Variants in LAMA4 observed in about 807,000 individuals in gnomAD.
LAMA4 encodes the protein laminin subunit alpha 4.
In LAMA4, 127 loss-of-function variants were observed where a neutral mutation model predicts 207.1. The ratio of observed to expected loss-of-function variants is 0.61; its 90% CI spans 0.53 to 0.71. The LOEUF (loss-of-function observed/expected upper bound fraction) is 0.71, where lower values mean the gene tolerates loss of function less well. Among genes scored for constraint, LAMA4 ranks in the 30% least tolerant of loss-of-function variants. The pLI, the probability that LAMA4 is intolerant of heterozygous loss-of-function variation, is 0.00. For synonymous variants in LAMA4, 761 were observed against 816.0 expected (o/e 0.93, Z 1.15); for missense variants, 2,093 against 2,246.5 (o/e 0.93, Z 1.38).
At chr6:112,198,840 G>T (rs1471637424) in intron 5 of LAMA4, among the ~76,000 whole-genome samples, 1 of 152,040 alleles carries the variant, frequency 6.6e-6, no homozygotes, top group African/African-American at 2.4e-5. Context: ...TTTACTCAGT[G>T]CCAGGTCCCA....
chr6:112,230,401 T>G (rs1243617041), intron 2 of LAMA4, among the ~76,000 whole-genome samples: 3 of 152,222 alleles, frequency 2.0e-5, no homozygotes, highest in African/African-American at 7.2e-5. Context: ...CATCAGTATT[T>G]CAGTTCCAGC....
chr6:112,134,231 C>T lies in LAMA4; in HGVS notation c.3557+236G>A, dbSNP rs147542044. ...GAGAAATACTGCATTAGATCATGTT[C>T]TAAGAGTAATACAATAATTGAAGAA... On this transcript the variant is annotated intron_variant, in intron 26 of 38. Coordinates refer to ENST00000230538, the MANE Select transcript of LAMA4 (RefSeq NM_001105206.3). Among the ~76,000 whole-genome samples the T allele has an allele frequency of 2.6e-5, 4 of 152,304 alleles. No homozygotes were observed. The East Asian group carries it at 7.7e-4, about 29-fold the overall frequency.
chr6:112,214,236 T>C (rs1433557060), intron 3 of LAMA4, among the ~76,000 whole-genome samples: 8 of 151,984 alleles, frequency 5.3e-5, no homozygotes, highest in Non-Finnish European at 7.4e-5. Flanking sequence ...AAATATATCT[T>C]TTTTCTTTTT....
At chr6:112,187,338 C>A (rs782438540) in intron 8 of LAMA4, 112 bp downstream of exon 8, 4 of 1,233,568 alleles carry the variant, frequency 3.2e-6, no homozygotes, top group Non-Finnish European at 4.8e-6. Context: ...GGTCTAACAA[C>A]CTGTAATACA....
At chr6:112,124,585 A>T (rs1167861560) in intron 31 of LAMA4, among the ~76,000 whole-genome samples, 1 of 151,978 alleles carries the variant, frequency 6.6e-6, no homozygotes, top group Non-Finnish European at 1.5e-5. Context: ...AATGAACTCC[A>T]CTAGACTTTG....
intron 2 of LAMA4, among the ~76,000 whole-genome samples, chr6:112,243,974 C>T (rs190873159): frequency 5.3e-5 from 8 of 152,292 alleles, no homozygotes; most frequent in Admixed American, 3.3e-4. Flanking sequence ...AGGAGAATCA[C>T]TTGAACCTGG....
At position 112,120,307 on chromosome 6, in the gene LAMA4, T is replaced by C. The variant is rs373386760; in HGVS notation, c.4641A>G (p.Lys1547=). 1 of 1,613,792 alleles carries C rather than the reference T, an allele frequency of 6.2e-7. No individual in the cohort carries two copies. Among genetic ancestry groups the C allele is most frequent in the Non-Finnish European group, 8.5e-7 (1 of 1,179,994 alleles). Residue 1547 remains lysine (K), a synonymous_variant, in exon 33 of 39, where the codon AAA becomes AAG. Coordinates refer to ENST00000230538, the MANE Select transcript of LAMA4 (RefSeq NM_001105206.3). ...HKKLKIRSQE[K]YNDGLWHDVI... is the part of the protein sequence containing the mutation. ...CATCATGCCACAGGCCATCATTGTA[T>C]TTCTCCTGGCTTCTAATCTTCAGTT...
chr6:112,241,098 AAT>A (rs368880785), intron 2 of LAMA4, among the ~76,000 whole-genome samples: 17,297 of 91,506 alleles, frequency 0.19, 2,127 homozygotes, highest in Non-Finnish European at 0.3. Context: ...GAGTCACATG[AAT>A]ATATATATAT....
At chr6:112,149,033 C>T (rs147682285) in intron 17 of LAMA4, among the ~76,000 whole-genome samples, 3 of 145,888 alleles carry the variant, frequency 2.1e-5, no homozygotes, top group Non-Finnish European at 4.5e-5. Flanking sequence ...TTCTTTGGCC[C>T]CAACTGTAAT....
Position 112,140,825 on chromosome 6 carries a change from A to G in LAMA4, c.2911T>C (p.Ser971Pro). ...IKKGEFSGDD[S>P]LLDLDPEDTV... The stretch of plus-strand genomic sequence containing the variant: ...TCCTCAGGGTCCAGGTCCAGCAGAG[A>G]GTCATCTCCCGAAAATTCCCCCTTT... The change falls in exon 22 of 39, where the codon TCT becomes CCT. Residue 971 changes from serine (S) to proline (P), a missense_variant. By Grantham distance (74) the Ser-to-Pro change is moderately conservative (BLOSUM62 -1). Coordinates refer to ENST00000230538, the MANE Select transcript of LAMA4 (RefSeq NM_001105206.3). 6.2e-7 allele frequency: 1 copy of G among 1,614,044 alleles called. No homozygotes were observed. Among genetic ancestry groups the G allele is most frequent in the Non-Finnish European group, 8.5e-7 (1 of 1,179,958 alleles).
chr6:112,171,180 A>G (rs1781686609), intron 12 of LAMA4, among the ~76,000 whole-genome samples: 1 of 151,298 alleles, frequency 6.6e-6, no homozygotes, highest in Admixed American at 6.6e-5. Flanking sequence ...GATATTTTCT[A>G]TTCCCTTGAT....
chr6:112,230,123 G>A (rs984914941), intron 2 of LAMA4, among the ~76,000 whole-genome samples: 1 of 151,292 alleles, frequency 6.6e-6, no homozygotes, highest in Admixed American at 6.6e-5. Context: ...TCTACTTTTT[G>A]CCATTTTAAG....
chr6:112,202,464 G>A (rs1417230028), intron 4 of LAMA4, among the ~76,000 whole-genome samples: 1 of 147,260 alleles, frequency 6.8e-6, no homozygotes, highest in African/African-American at 2.6e-5. Flanking sequence ...GTGTGTGTGT[G>A]TATGTAAAAT....
chr6:112,190,920 TTTC>T (rs1243392011), intron 6 of LAMA4, among the ~76,000 whole-genome samples: 59 of 103,228 alleles, frequency 5.7e-4, no homozygotes, highest in African/African-American at 2.1e-3. Context: ...TCTTTCTTTC[TTTC>T]TTTCTTTCTT....
At position 112,189,805 on chromosome 6, in the gene LAMA4, T is replaced by G. The variant is rs532072092; in HGVS notation, c.719-600A>C. On this transcript the variant is annotated intron_variant, in intron 6 of 38. Coordinates refer to ENST00000230538, the MANE Select transcript of LAMA4 (RefSeq NM_001105206.3). ...GAATCAGGAACATTTTTACATGAATTTAGAAGACGTGGGAGCCCATTATTC... is the reference window on the plus strand; with the variant it reads ...GAATCAGGAACATTTTTACATGAATGTAGAAGACGTGGGAGCCCATTATTC... Among the ~76,000 whole-genome samples the G allele has an allele frequency of 1.9e-4, 29 of 152,288 alleles. No homozygotes were observed. In the South Asian group the frequency reaches 5.2e-3, roughly 27 times the overall value.
intron 36 of LAMA4, 24 bp from the exon 37 acceptor site, chr6:112,114,780 A>G: frequency 1.3e-6 from 2 of 1,499,986 alleles, no homozygotes; most frequent in Non-Finnish European, 1.9e-6. Context: ...GACACATTGT[A>G]TGATTTAGTT....
At position 112,253,951 on chromosome 6, in the gene LAMA4, T is replaced by C. The variant is rs781999461; in HGVS notation, c.195+5A>G. 2 of 1,600,920 alleles carry C rather than the reference T, an allele frequency of 1.2e-6. No homozygotes were observed. The highest frequency in any genetic ancestry group is 2.3e-5 in the East Asian group (1 of 44,184). On this transcript the variant is annotated splice_donor_5th_base_variant and intron_variant, in intron 2 of 38. Transcript: ENST00000230538. Reference sequence around the variant, plus strand: ...AGCAGGGTGGCAATGGCAGGGACACTGTACCTCGGCCGCAGGCGGCAGGCG... The same window carrying C: ...AGCAGGGTGGCAATGGCAGGGACACCGTACCTCGGCCGCAGGCGGCAGGCG...
rs961825087 is a variant in LAMA4, at chr6:112,116,068, T to C, written c.4982-75A>G. 29 of 1,398,444 alleles carry C rather than the reference T, an allele frequency of 2.1e-5. No individual in the cohort carries two copies. The African/African-American group carries it at 3.5e-4, about 17-fold the overall frequency. The allele number at this position is 1,398,444 out of a possible 1,614,324, so 86.6% of individuals were successfully genotyped here. A position where few individuals can be genotyped will look rare whatever the true frequency, so the allele number is the denominator to read the frequency against. On this transcript the variant is annotated intron_variant, in intron 35 of 38. Transcript: ENST00000230538. ...TAACTATGGTGTGATTTTGTAATTA[T>C]ATATATTTTTATCTGTTTTTGAAAG...
At chr6:112,230,617 G>T (rs1242006227) in intron 2 of LAMA4, among the ~76,000 whole-genome samples, 1 of 152,148 alleles carries the variant, frequency 6.6e-6, no homozygotes, top group African/African-American at 2.4e-5. Flanking sequence ...CTGTACCAGG[G>T]TTATTTGTTT....
Sources: allele counts gnomAD v4.1 joint callset (sites outside exome capture counted in the v4.1 genomes callset), GRCh38; gene constraint gnomAD v4.1.1; transcripts MANE v1.5; gene names NCBI Gene and HGNC (gene_info 2026-07-23, HGNC 2026-07-21).